Variants in BLVRA observed in about 807,000 individuals in gnomAD.
BLVRA encodes the protein biliverdin reductase A, also known as BVR A.
In BLVRA, 22 loss-of-function variants were observed where a neutral mutation model predicts 32.8. The observed-to-expected ratio is 0.67, with a 90% CI of 0.48 to 0.96. The LOEUF (loss-of-function observed/expected upper bound fraction) is 0.96. Among genes scored for constraint, BLVRA ranks in the 40% least tolerant of loss-of-function variants. The pLI, the probability that BLVRA is intolerant of heterozygous loss-of-function variation, is 0.00. For synonymous variants in BLVRA, 119 were observed against 141.3 expected (o/e 0.84, Z 1.12); for missense variants, 323 against 358.1 (o/e 0.90, Z 0.79).
intron 2 of BLVRA, among the ~76,000 whole-genome samples, chr7:43,785,870 A>T (rs1041571936): frequency 6.6e-6 from 1 of 152,256 alleles, no homozygotes; most frequent in Non-Finnish European, 1.5e-5. Flanking sequence ...TATAATATAA[A>T]ATCCTTAACT....
chr7:43,784,187 T>C (rs947295408), intron 2 of BLVRA, among the ~76,000 whole-genome samples: 1 of 152,208 alleles, frequency 6.6e-6, no homozygotes, highest in Non-Finnish European at 1.5e-5. Flanking sequence ...ATACCACCTC[T>C]ATAGGGCTAT....
intron 2 of BLVRA, among the ~76,000 whole-genome samples, chr7:43,786,627 C>T (rs1017252773): frequency 6.6e-6 from 1 of 152,120 alleles, no homozygotes; most frequent in Admixed American, 6.5e-5. Flanking sequence ...GACCACATCC[C>T]GTATCATAAA....
chr7:43,788,488 G>C (rs2095781109), intron 3 of BLVRA, among the ~76,000 whole-genome samples: 1 of 152,186 alleles, frequency 6.6e-6, no homozygotes, highest in African/African-American at 2.4e-5. Context: ...TAAGTAATCT[G>C]CCTGAGGTCA....
chr7:43,767,249 A>C lies in BLVRA; in HGVS notation c.-21-3889A>C, dbSNP rs555958527. 8 of 781,392 alleles carry C rather than the reference A, an allele frequency of 1.0e-5. No homozygotes were observed. The South Asian group carries it at 1.2e-4, about 12-fold the overall frequency. The allele number at this position is 781,392 out of a possible 1,614,324, so 48.4% of individuals were successfully genotyped here. A position where few individuals can be genotyped will look rare whatever the true frequency, so the allele number is the denominator to read the frequency against. Reference sequence around the variant, plus strand: ...AAGATCTCATTAGAAAAGAAAAGCAAGTAGCCTGCCACCGAGCACCTGTGC... The same window carrying C: ...AAGATCTCATTAGAAAAGAAAAGCACGTAGCCTGCCACCGAGCACCTGTGC... On this transcript the variant is annotated intron_variant, in intron 1 of 7. Coordinates refer to ENST00000265523, the MANE Select transcript of BLVRA (RefSeq NM_000712.4).
In BLVRA at chr7:43,803,662, G is replaced by A. The variant is rs1029904131; in HGVS notation, c.461-14G>A. 6.3e-7 allele frequency: 1 copy of A among 1,589,824 alleles called. No individual in the cohort carries two copies. The highest frequency in any genetic ancestry group is 8.6e-7 in the Non-Finnish European group (1 of 1,169,174). On this transcript the variant is annotated splice_polypyrimidine_tract_variant and intron_variant, in intron 6 of 7. Transcript: ENST00000265523. ...CTGCTTCCCAGTTCCCACAGCATTT[G>A]TGATTTCCCACAGCTGGCCCGTTGG...
intron 1 of BLVRA, chr7:43,767,340 C>A: frequency 1.3e-6 from 2 of 1,583,424 alleles, no homozygotes; most frequent in Non-Finnish European, 8.6e-7. Flanking sequence ...CTCCTAAGTT[C>A]GGAAAAGAAA....
intron 2 of BLVRA, among the ~76,000 whole-genome samples, chr7:43,782,989 C>A (rs1377010422): frequency 6.6e-6 from 1 of 151,506 alleles, no homozygotes; most frequent in African/African-American, 2.4e-5. Flanking sequence ...TTGGACAGGG[C>A]AGGGGCAGGG....
Position 43,807,104 on chromosome 7 carries a change from G to T in BLVRA, c.760G>T (p.Asp254Tyr), listed in dbSNP as rs1462253831. 4 of 1,614,032 alleles carry T rather than the reference G, an allele frequency of 2.5e-6. No individual in the cohort carries two copies. Among genetic ancestry groups the T allele is most frequent in the Admixed American group, 1.7e-5 (1 of 59,998 alleles). ...VGVNKNIFLK[D>Y]QNIFVQKLLG... Reference sequence around the variant, plus strand: ...AGTGAATAAGAACATATTTCTGAAAGATCAAAATATATTTGTCCAGAAACT... The same window carrying T: ...AGTGAATAAGAACATATTTCTGAAATATCAAAATATATTTGTCCAGAAACT... The change falls in exon 8 of 8, where the codon GAT (aspartate) becomes TAT (tyrosine). Residue 254 changes from aspartate to tyrosine, a missense_variant. Physicochemically the swap from Asp to Tyr is radical, Grantham distance 160. Coordinates refer to ENST00000265523, the MANE Select transcript of BLVRA (RefSeq NM_000712.4).
intron 4 of BLVRA, 21 bp downstream of exon 4, chr7:43,791,389 G>GTCCT (rs2095785971): frequency 6.2e-7 from 1 of 1,613,932 alleles, no homozygotes; most frequent in Non-Finnish European, 8.5e-7. Context: ...CACACAGGCA[G>GTCCT]TCCTTGCCTT....
At chr7:43,771,285 T>TC (rs2095754381) in intron 2 of BLVRA, 115 bp downstream of exon 2, 2 of 1,263,826 alleles carry the variant, frequency 1.6e-6, no homozygotes, top group Admixed American at 3.6e-5. Flanking sequence ...TGAGAACATT[T>TC]CCCCTCTAGC....
At chr7:43,788,439 C>G (rs926122250) in intron 3 of BLVRA, among the ~76,000 whole-genome samples, 14 of 152,118 alleles carry the variant, frequency 9.2e-5, no homozygotes, top group Non-Finnish European at 2.1e-4. Flanking sequence ...GTTATTAACC[C>G]CCCAGTTTAC....
intron 2 of BLVRA, among the ~76,000 whole-genome samples, chr7:43,784,860 C>T (rs1376782585): frequency 6.6e-6 from 1 of 152,122 alleles, no homozygotes; most frequent in Admixed American, 6.5e-5. Flanking sequence ...CCGCCCACCT[C>T]AGCCTCCCAG....
chr7:43,781,052 A>T (rs2095768675), intron 2 of BLVRA, among the ~76,000 whole-genome samples: 1 of 152,114 alleles, frequency 6.6e-6, no homozygotes, highest in Non-Finnish European at 1.5e-5. Context: ...CTGAGGCAGG[A>T]GAATCACTTG....
rs148553828 is a variant in BLVRA, at chr7:43,791,989, C to T, written c.254+621C>T. 278 of 157,644 alleles carry T rather than the reference C, an allele frequency of 1.8e-3. 1 individual carries two copies. Among genetic ancestry groups the T allele is most frequent in the Non-Finnish European group, 2.9e-3 (207 of 71,206 alleles). The allele number at this position is 157,644 out of a possible 1,614,324, so 9.8% of individuals were successfully genotyped here. The stretch of plus-strand genomic sequence containing the variant: ...AACACCTCTCCTTGGCTTTCCTTAA[C>T]CTTTTCTGGCACCAGAGTGTATTTC... On this transcript the variant is annotated intron_variant, in intron 4 of 7. Transcript: ENST00000265523.
Position 43,807,300 on chromosome 7 carries a change from A to G in BLVRA, c.*65A>G, listed in dbSNP as rs2132602913. 5 of 1,583,766 alleles carry G rather than the reference A, an allele frequency of 3.2e-6. No homozygotes were observed. Among genetic ancestry groups the G allele is most frequent in the Non-Finnish European group, 4.3e-6 (5 of 1,165,952 alleles). On this transcript the variant is annotated 3_prime_UTR_variant, in exon 8 of 8. Transcript: ENST00000265523. ...ATTTGGTTCTTCTCAAGAGTTGACC[A>G]TTATCTCTATTCTTAAAATTAAACA...
At chr7:43,772,966 C>G (rs1207335669) in intron 2 of BLVRA, among the ~76,000 whole-genome samples, 1 of 152,174 alleles carries the variant, frequency 6.6e-6, no homozygotes, top group Admixed American at 6.5e-5. Context: ...ACACTCCTGC[C>G]TGCTCAGACC....
chr7:43,773,716 T>A (rs544598160), intron 2 of BLVRA, among the ~76,000 whole-genome samples: 6 of 152,366 alleles, frequency 3.9e-5, no homozygotes, highest in Non-Finnish European at 7.3e-5. Flanking sequence ...ATCGCCACAC[T>A]GACTTCCACA....
chr7:43,795,518 A>G (rs1471655603), intron 5 of BLVRA, among the ~76,000 whole-genome samples: 3 of 152,184 alleles, frequency 2.0e-5, no homozygotes, highest in Non-Finnish European at 2.9e-5. Context: ...CTGCTCAAAC[A>G]AAACAAAACA....
intron 1 of BLVRA, among the ~76,000 whole-genome samples, chr7:43,770,360 A>T (rs2095753179): frequency 6.6e-6 from 1 of 152,068 alleles, no homozygotes; most frequent in African/African-American, 2.4e-5. Context: ...CTGTCATTCC[A>T]GTGTTTGTCC....
Sources: allele counts gnomAD v4.1 joint callset (sites outside exome capture counted in the v4.1 genomes callset), GRCh38; gene constraint gnomAD v4.1.1; transcripts MANE v1.5; gene names NCBI Gene and HGNC (gene_info 2026-07-23, HGNC 2026-07-21).